RBFOX1: variants seen among roughly 807,000 people sequenced by gnomAD.
RBFOX1 encodes RNA binding protein fox-1 homolog 1.
RBFOX1 carries 8 observed loss-of-function variants against 57.7 expected under a neutral mutation model. That is an observed-to-expected ratio of 0.14 (90% CI 0.08 to 0.25). RBFOX1 has a LOEUF of 0.25. RBFOX1 is among the 10% of genes least tolerant of loss of function. The pLI, the probability that RBFOX1 is intolerant of heterozygous loss-of-function variation, is 1.00. For synonymous variants in RBFOX1, 326 were observed against 222.4 expected (o/e 1.47, Z -4.15); for missense variants, 611 against 548.5 (o/e 1.11, Z -1.14).
intron 1 of RBFOX1, among the ~76,000 whole-genome samples, chr16:6,266,027 TA>T (rs1345471664): frequency 6.6e-6 from 1 of 152,182 alleles, no homozygotes; most frequent in Non-Finnish European, 1.5e-5. Context: ...GGAGGATTTT[TA>T]CATCCCCATC....
chr16:7,359,252 G>C (rs1453267873), intron 4 of RBFOX1, among the ~76,000 whole-genome samples: 1 of 152,146 alleles, frequency 6.6e-6, no homozygotes, highest in Admixed American at 6.5e-5. Context: ...AGAAGGAAAT[G>C]AACTATCATA....
At chr16:7,438,175 G>A (rs1440514178) in intron 4 of RBFOX1, among the ~76,000 whole-genome samples, 2 of 152,164 alleles carry the variant, frequency 1.3e-5, no homozygotes, top group Non-Finnish European at 2.9e-5. Context: ...AGAAAAATCA[G>A]AATGGTTAAT....
intron 1 of RBFOX1, among the ~76,000 whole-genome samples, chr16:5,321,680 T>C (rs1596513340): frequency 1.3e-5 from 2 of 151,988 alleles, no homozygotes; most frequent in South Asian, 4.2e-4. Context: ...ATAGGGGAAG[T>C]GGTGGTGGCC....
intron 2 of RBFOX1, among the ~76,000 whole-genome samples, chr16:5,555,835 A>C (rs1287045206): frequency 6.6e-6 from 1 of 151,962 alleles, no homozygotes; most frequent in African/African-American, 2.4e-5. Flanking sequence ...GAGCCTCACC[A>C]ATATGGGAAA....
chr16:7,586,360 G>C (rs538176851), intron 6 of RBFOX1, among the ~76,000 whole-genome samples: 7 of 152,136 alleles, frequency 4.6e-5, no homozygotes, highest in Non-Finnish European at 1.5e-5. Context: ...TAGTTCTAGA[G>C]CCCATACTTC....
chr16:6,932,693 A>G (rs2076758748), intron 3 of RBFOX1, among the ~76,000 whole-genome samples: 1 of 152,162 alleles, frequency 6.6e-6, no homozygotes, highest in South Asian at 2.1e-4. Context: ...ACATGTCTCT[A>G]CTTTCACTAA....
intron 2 of RBFOX1, among the ~76,000 whole-genome samples, chr16:6,356,185 C>T (rs1172813332): frequency 1.3e-5 from 2 of 152,346 alleles, no homozygotes; most frequent in African/African-American, 4.8e-5. Context: ...GATTCTCCAT[C>T]TTTAAGCACT....
rs559542815 is a variant in RBFOX1, at chr16:7,118,865, C to A, written c.27+66767C>A. 2.0e-5 allele frequency among the ~76,000 whole-genome samples: 3 copies of A among 152,228 alleles called. No individual in the cohort carries two copies. In the South Asian group the frequency reaches 6.2e-4, roughly 32 times the overall value. On this transcript the variant is annotated intron_variant, in intron 4 of 15. Transcript: ENST00000550418. ...GAATGGAAGCATATACCAAATAGAG[C>A]ACATAGAGAACTTGCTCAGATCTCT...
intron 4 of RBFOX1, among the ~76,000 whole-genome samples, chr16:5,905,250 T>G (rs2058429519): frequency 6.6e-6 from 1 of 151,546 alleles, no homozygotes; most frequent in African/African-American, 2.4e-5. Flanking sequence ...GTATTATTAG[T>G]AGAGACGGCC....
chr16:7,542,557 A>G (rs938772106), intron 5 of RBFOX1, among the ~76,000 whole-genome samples: 2 of 152,048 alleles, frequency 1.3e-5, no homozygotes, highest in Admixed American at 1.3e-4. Context: ...AAAAGGAGAT[A>G]GAAATAGAGG....
intron 1 of RBFOX1, among the ~76,000 whole-genome samples, chr16:6,020,929 C>T (rs1462272367): frequency 2.6e-5 from 4 of 152,194 alleles, no homozygotes; most frequent in Non-Finnish European, 5.9e-5. Context: ...GAGCCCCCAG[C>T]TCCATTCCTT....
intron 4 of RBFOX1, among the ~76,000 whole-genome samples, chr16:5,990,675 A>T (rs1166904857): frequency 6.6e-6 from 1 of 152,106 alleles, no homozygotes; most frequent in African/African-American, 2.4e-5. Context: ...TGTAAAGAGG[A>T]AGTGAATTTG....
chr16:6,376,803 G>T (rs751741471), intron 2 of RBFOX1, among the ~76,000 whole-genome samples: 2 of 152,116 alleles, frequency 1.3e-5, no homozygotes, highest in Non-Finnish European at 2.9e-5. Flanking sequence ...GCAGCGCCAT[G>T]CATTCTTCAA....
chr16:5,449,364 C>G (rs2151560869), intron 1 of RBFOX1, among the ~76,000 whole-genome samples: 1 of 152,316 alleles, frequency 6.6e-6, no homozygotes, highest in East Asian at 1.9e-4. Context: ...TGTTATTGTG[C>G]ATTCTCAGAA....
At chr16:7,690,491 C>G (rs1300354776) in intron 14 of RBFOX1, among the ~76,000 whole-genome samples, 1 of 152,092 alleles carries the variant, frequency 6.6e-6, no homozygotes, top group Non-Finnish European at 1.5e-5. Flanking sequence ...TTATGAACAA[C>G]TAAGGAACAG....
At chr16:6,650,614 G>A (rs2098580356) in intron 2 of RBFOX1, among the ~76,000 whole-genome samples, 1 of 152,174 alleles carries the variant, frequency 6.6e-6, no homozygotes, top group Non-Finnish European at 1.5e-5. Context: ...TTTAATCATT[G>A]CTCACCGGTT....
intron 4 of RBFOX1, among the ~76,000 whole-genome samples, chr16:7,201,351 G>T (rs904770731): frequency 1.3e-5 from 2 of 152,156 alleles, no homozygotes; most frequent in Admixed American, 1.3e-4. Context: ...ATCAAGTCCT[G>T]TGTCTCCTAT....
At chr16:7,566,556 T>G (rs1335987253) in intron 5 of RBFOX1, among the ~76,000 whole-genome samples, 1 of 152,148 alleles carries the variant, frequency 6.6e-6, no homozygotes, top group East Asian at 1.9e-4. Flanking sequence ...CTAACCTCTC[T>G]GAGCCTCAGT....
At chr16:5,534,646 C>G (rs565311941) in intron 2 of RBFOX1, among the ~76,000 whole-genome samples, 15 of 152,316 alleles carry the variant, frequency 9.8e-5, no homozygotes, top group Admixed American at 6.5e-4. Flanking sequence ...ATGCTGGCAT[C>G]CGATTAGATG....
Sources: allele counts gnomAD v4.1 joint callset (sites outside exome capture counted in the v4.1 genomes callset), GRCh38; gene constraint gnomAD v4.1.1; transcripts MANE v1.5; gene names NCBI Gene and HGNC (gene_info 2026-07-23, HGNC 2026-07-21).